AGBL1: variants seen among roughly 807,000 people sequenced by gnomAD.
The protein encoded by AGBL1 is AGBL carboxypeptidase 1, also known as cytosolic carboxypeptidase 4.
Under a neutral mutation model 118.9 loss-of-function variants are expected in AGBL1, and 130 were observed. The ratio of observed to expected loss-of-function variants is 1.09; its 90% CI spans 0.95 to 1.26. AGBL1 has a LOEUF of 1.26. Among genes scored for constraint, AGBL1 ranks in the 50% most tolerant of loss-of-function variants. The pLI is 0.00. For missense variants in AGBL1, 1,584 were observed against 1,298.1 expected, an observed-to-expected ratio of 1.22 and a Z score of -3.38; for synonymous variants, 555 against 478.9, an observed-to-expected ratio of 1.16 and a Z score of -2.08.
chr15:86,878,595 A>G (rs868132120), intron 22 of AGBL1, among the ~76,000 whole-genome samples: 9 of 151,024 alleles, frequency 6.0e-5, no homozygotes, highest in Non-Finnish European at 8.8e-5. Context: ...TATATCTTCA[A>G]TCTCTTTCTG....
At chr15:86,972,262 G>C (rs1314214117) in intron 23 of AGBL1, among the ~76,000 whole-genome samples, 1 of 151,954 alleles carries the variant, frequency 6.6e-6, no homozygotes, top group Non-Finnish European at 1.5e-5. Flanking sequence ...GATCTGAGGA[G>C]AGAAGGAGAA....
At chr15:86,925,170 A>AGGAGGAG (rs1463207680) in intron 23 of AGBL1, among the ~76,000 whole-genome samples, 2 of 4,244 alleles carry the variant, frequency 4.7e-4, no homozygotes, top group African/African-American at 1.1e-3. Context: ...AGGAGGAGGA[A>AGGAGGAG]GAGGAAGAGG....
At chr15:86,465,537 A>G (rs2082392061) in intron 18 of AGBL1, among the ~76,000 whole-genome samples, 1 of 152,214 alleles carries the variant, frequency 6.6e-6, no homozygotes, top group Non-Finnish European at 1.5e-5. Context: ...AATAGGAGAA[A>G]TATTGCAGAA....
At chr15:86,917,574 G>A (rs995699258), downstream of AGBL1, among the ~76,000 whole-genome samples, 22 of 152,192 alleles carry the variant, frequency 1.4e-4, no homozygotes, top group Non-Finnish European at 2.6e-4. This position sits in a 1 kb window ranked among gnomAD's most constrained non-coding sequence, Gnocchi z 4.8. Context: ...GTAAACATAT[G>A]CGGATCACCT....
At chr15:86,378,234 C>T (rs978682595) in intron 17 of AGBL1, among the ~76,000 whole-genome samples, 15 of 152,222 alleles carry the variant, frequency 9.9e-5, no homozygotes, top group African/African-American at 3.4e-4. Flanking sequence ...CCTTAATGTG[C>T]TGTCTGCCCC....
At chr15:86,304,944 T>A (rs146731041) in intron 17 of AGBL1, 2 of 152,300 alleles carry the variant, frequency 1.3e-5, no homozygotes, top group African/African-American at 2.4e-5. Flanking sequence ...ACGTTTCTGG[T>A]GAAAACAGCT....
intron 17 of AGBL1, among the ~76,000 whole-genome samples, chr15:86,334,289 G>C (rs1305486289): frequency 6.6e-6 from 1 of 152,040 alleles, no homozygotes; most frequent in Non-Finnish European, 1.5e-5. Context: ...CCACCACAAG[G>C]CTCCTAGAAC....
chr15:86,604,952 C>T (rs2469173), intron 21 of AGBL1, among the ~76,000 whole-genome samples: 67,786 of 151,326 alleles, frequency 0.45, 15,235 homozygotes, highest in East Asian at 0.59. Flanking sequence ...TGCGCCACCA[C>T]GCCCGGCTAA....
At chr15:86,640,960 C>T (rs1463531882) in intron 21 of AGBL1, among the ~76,000 whole-genome samples, 1 of 73,534 alleles carries the variant, frequency 1.4e-5, no homozygotes, top group Non-Finnish European at 2.7e-5. Flanking sequence ...TTTTTAATTA[C>T]TGAGGTTGAT....
chr15:86,185,618 A>T (rs973337846), intron 5 of AGBL1, among the ~76,000 whole-genome samples: 1 of 152,158 alleles, frequency 6.6e-6, no homozygotes, highest in African/African-American at 2.4e-5. Context: ...GACATGGATG[A>T]AGCTGGAAAC....
intron 21 of AGBL1, among the ~76,000 whole-genome samples, chr15:86,672,915 T>C (rs1008224000): frequency 2.6e-5 from 4 of 151,962 alleles, no homozygotes; most frequent in African/African-American, 9.7e-5. Flanking sequence ...ATTTTCTACC[T>C]TTTTAATGCT....
intron 21 of AGBL1, among the ~76,000 whole-genome samples, chr15:86,582,683 G>A (rs990736817): frequency 6.6e-6 from 1 of 152,048 alleles, no homozygotes; most frequent in African/African-American, 2.4e-5. Flanking sequence ...ATGCAGCCAT[G>A]AAAAAGGATG....
intron 22 of AGBL1, among the ~76,000 whole-genome samples, chr15:86,874,086 C>G (rs773124047): frequency 7.2e-5 from 11 of 152,080 alleles, no homozygotes; most frequent in South Asian, 2.1e-4. Context: ...AGGGTCAAGT[C>G]TGATTCAGCT....
chr15:86,771,666 A>G (rs1408156944), intron 22 of AGBL1, among the ~76,000 whole-genome samples: 2 of 152,046 alleles, frequency 1.3e-5, no homozygotes, highest in Admixed American at 1.3e-4. Context: ...CACTTGCGTA[A>G]GTGGTACATT....
At chr15:86,825,875 TGATAGATGGATGGATAGATA>T (rs1161296746) in intron 22 of AGBL1, among the ~76,000 whole-genome samples, 1 of 140,812 alleles carries the variant, frequency 7.1e-6, no homozygotes, top group East Asian at 2.1e-4. Flanking sequence ...ATGTGACAGA[TGATAGATGGATGGATAGATA>T]GATAGATAGA....
At chr15:87,005,703 C>T (rs1277343954) in intron 24 of AGBL1, among the ~76,000 whole-genome samples, 1 of 152,212 alleles carries the variant, frequency 6.6e-6, no homozygotes, top group Non-Finnish European at 1.5e-5. Flanking sequence ...CAAAGTCATT[C>T]TCTCTCTGTC....
chr15:86,889,304 T>G (rs1596596113), intron 22 of AGBL1, among the ~76,000 whole-genome samples: 1 of 142,268 alleles, frequency 7.0e-6, no homozygotes, highest in East Asian at 2.2e-4. Context: ...ATCTAAGTGC[T>G]TTCGGCAAAT....
intron 22 of AGBL1, among the ~76,000 whole-genome samples, chr15:86,764,543 G>T (rs1359008232): frequency 6.6e-6 from 1 of 152,036 alleles, no homozygotes; most frequent in African/African-American, 2.4e-5. Context: ...ATGGGCACAT[G>T]GGTGCCTATT....
intron 22 of AGBL1, among the ~76,000 whole-genome samples, chr15:86,688,710 G>A (rs773398724): frequency 3.9e-5 from 6 of 152,120 alleles, no homozygotes; most frequent in East Asian, 3.9e-4. Context: ...TTAACGAGGC[G>A]GGCACAATTG....
Sources: gnomAD v4.1 joint callset for allele counts (sites outside exome capture counted in the v4.1 genomes callset) on GRCh38, gnomAD v4.1.1 for gene constraint, Gnocchi (gnomAD v3.1) non-coding constraint, MANE v1.5 for transcripts, NCBI Gene and HGNC (gene_info 2026-07-23, HGNC 2026-07-21) for gene names.